Variants in RALGAPA2 observed in about 807,000 individuals in gnomAD.
RALGAPA2 encodes the protein Ral GTPase activating protein catalytic subunit alpha 2.
Under a neutral mutation model 230.4 loss-of-function variants are expected in RALGAPA2, and 139 were observed. That is an observed-to-expected ratio of 0.60 (90% CI 0.53 to 0.69). The LOEUF (loss-of-function observed/expected upper bound fraction) is 0.69, where lower values mean the gene tolerates loss of function less well. Among genes scored for constraint, RALGAPA2 ranks in the 30% least tolerant of loss-of-function variants. The pLI, the probability that RALGAPA2 is intolerant of heterozygous loss-of-function variation, is 0.00. For missense variants in RALGAPA2, 2,163 were observed against 2,276.0 expected (o/e 0.95, Z 1.01); for synonymous variants, 847 against 837.8 (o/e 1.01, Z -0.19).
chr20:20,705,972 T>G (rs2069586208), intron 1 of RALGAPA2, among the ~76,000 whole-genome samples: 1 of 152,178 alleles, frequency 6.6e-6, no homozygotes, highest in South Asian at 2.1e-4. Context: ...CCGCCAAGGT[T>G]TTTTCTAAAT....
chr20:20,605,509 T>C (rs1355732384), intron 14 of RALGAPA2, 97 bp from the exon 15 acceptor site: 1 of 918,826 alleles, frequency 1.1e-6, no homozygotes, highest in Non-Finnish European at 1.6e-6. Flanking sequence ...ATAACACAAA[T>C]TTTAAAATAA....
chr20:20,635,040 C>T (rs143710118), intron 9 of RALGAPA2, among the ~76,000 whole-genome samples: 1 of 152,292 alleles, frequency 6.6e-6, no homozygotes, highest in Non-Finnish European at 1.5e-5. Context: ...CCAGGGGCCA[C>T]TTACAGTTTC....
intron 1 of RALGAPA2, among the ~76,000 whole-genome samples, chr20:20,691,493 A>G (rs2068904515): frequency 6.6e-6 from 1 of 152,186 alleles, no homozygotes; most frequent in Non-Finnish European, 1.5e-5. Context: ...AATCCATGTG[A>G]AAAAAACCAG....
Position 20,546,777 on chromosome 20 carries a change from A to G in RALGAPA2, c.3212T>C (p.Phe1071Ser). 1 of 1,612,100 alleles carries G rather than the reference A, an allele frequency of 6.2e-7. No individual in the cohort carries two copies. The highest frequency in any genetic ancestry group is 8.5e-7 in the Non-Finnish European group (1 of 1,179,294). The part of the protein sequence containing the change: ...HCPPRFFSLG[F>S]PGFSMLVGDF... ...CCCCACCAGCATTGAGAAGCCAGGA[A>G]AACCCAGGGAGAAAAAGCGGGGTGG... is the stretch of plus-strand genomic sequence containing the variant. The change falls in exon 24 of 40, where the codon TTT becomes TCT. Residue 1071 changes from phenylalanine (F) to serine (S), a missense_variant. Coordinates refer to ENST00000202677, the MANE Select transcript of RALGAPA2 (RefSeq NM_020343.4).
chr20:20,536,989 T>C (rs2063514904), intron 24 of RALGAPA2, among the ~76,000 whole-genome samples: 1 of 152,222 alleles, frequency 6.6e-6, no homozygotes. Flanking sequence ...TGTACTTGGA[T>C]GTAAACAAGT....
chr20:20,688,782 T>C (rs914289195), intron 1 of RALGAPA2, among the ~76,000 whole-genome samples: 6 of 152,202 alleles, frequency 3.9e-5, no homozygotes, highest in Admixed American at 6.5e-5. Flanking sequence ...TCATAATTAA[T>C]CCTTTCAAGC....
At chr20:20,601,550 G>T in intron 16 of RALGAPA2, 132 bp downstream of exon 16, 1 of 853,030 alleles carries the variant, frequency 1.2e-6, no homozygotes, top group Non-Finnish European at 1.7e-6. Flanking sequence ...AAGCTAAAAA[G>T]ATGTAGAGAC....
chr20:20,567,938 G>A (rs1231407717), intron 23 of RALGAPA2, among the ~76,000 whole-genome samples: 1 of 151,452 alleles, frequency 6.6e-6, no homozygotes, highest in African/African-American at 2.4e-5. Context: ...GGTATTTATT[G>A]AATTGAATTG....
intron 37 of RALGAPA2, among the ~76,000 whole-genome samples, chr20:20,418,168 C>T (rs1375753787): frequency 5.3e-5 from 8 of 152,156 alleles, no homozygotes; most frequent in East Asian, 1.9e-4. Flanking sequence ...AGAAGAACGC[C>T]GAGCAAATCC....
At chr20:20,613,367 T>A (rs2066032080) in intron 13 of RALGAPA2, among the ~76,000 whole-genome samples, 1 of 152,204 alleles carries the variant, frequency 6.6e-6, no homozygotes, top group African/African-American at 2.4e-5. Context: ...TACAGGTGGA[T>A]TTCAACTCAT....
intron 37 of RALGAPA2, among the ~76,000 whole-genome samples, chr20:20,430,570 T>C (rs2060479917): frequency 6.6e-6 from 1 of 152,244 alleles, no homozygotes; most frequent in Admixed American, 6.5e-5. Context: ...CTATAGCAGG[T>C]TCTGATCCTG....
At chr20:20,620,700 C>T in intron 10 of RALGAPA2, 70 bp from the exon 11 acceptor site, 2 of 1,304,648 alleles carry the variant, frequency 1.5e-6, no homozygotes, top group South Asian at 1.6e-5. Context: ...GCATCACGGA[C>T]ATTCCCAATG....
intron 15 of RALGAPA2, among the ~76,000 whole-genome samples, chr20:20,604,421 C>T (rs1341320284): frequency 2.0e-5 from 3 of 152,234 alleles, no homozygotes; most frequent in African/African-American, 7.2e-5. Context: ...GCCAAAATAG[C>T]TCCCATCTGA....
At chr20:20,405,751 G>A (rs145640217) in intron 38 of RALGAPA2, among the ~76,000 whole-genome samples, 27 of 152,208 alleles carry the variant, frequency 1.8e-4, no homozygotes, top group Middle Eastern at 6.8e-3. Context: ...TCTCCACACC[G>A]GCTTCTTATC....
At chr20:20,633,009 TTCTCTC>T (rs376406756) in intron 9 of RALGAPA2, among the ~76,000 whole-genome samples, 2 of 151,050 alleles carry the variant, frequency 1.3e-5, no homozygotes, top group Non-Finnish European at 3.0e-5. Context: ...TACTGGGTCT[TTCTCTC>T]TCTCTCTCTC....
chr20:20,614,944 G>T (rs1341613799), intron 13 of RALGAPA2, among the ~76,000 whole-genome samples: 2 of 152,144 alleles, frequency 1.3e-5, no homozygotes, highest in African/African-American at 4.8e-5. Flanking sequence ...TCACCTAGGG[G>T]GATGCTGACC....
chr20:20,624,446 A>G (rs543116576), intron 10 of RALGAPA2, among the ~76,000 whole-genome samples: 3 of 152,306 alleles, frequency 2.0e-5, no homozygotes, highest in Non-Finnish European at 2.9e-5. Flanking sequence ...AAACAAGGCC[A>G]AGCAAGAAAA....
chr20:20,596,912 G>A (rs2065471908), intron 16 of RALGAPA2, among the ~76,000 whole-genome samples: 1 of 152,150 alleles, frequency 6.6e-6, no homozygotes, highest in African/African-American at 2.4e-5. Context: ...TGTCCCACTT[G>A]TGACAATTAA....
At chr20:20,581,379 T>C (rs2064978755) in intron 20 of RALGAPA2, among the ~76,000 whole-genome samples, 3 of 152,200 alleles carry the variant, frequency 2.0e-5, no homozygotes, top group African/African-American at 7.2e-5. Flanking sequence ...GACTTTCTTT[T>C]GGATAATCTG....
Sources: gnomAD v4.1 joint callset for allele counts (sites outside exome capture counted in the v4.1 genomes callset) on GRCh38, gnomAD v4.1.1 for gene constraint, MANE v1.5 for transcripts, NCBI Gene and HGNC (gene_info 2026-07-23, HGNC 2026-07-21) for gene names.